CCSER1: variants seen among roughly 807,000 people sequenced by gnomAD.
CCSER1 encodes serine-rich coiled-coil domain-containing protein 1.
In CCSER1, 41 loss-of-function variants were observed where a neutral mutation model predicts 82.0. That is an observed-to-expected ratio of 0.50 (90% CI 0.39 to 0.65). CCSER1 has a LOEUF of 0.65. CCSER1 is among the 30% of genes least tolerant of loss of function. The pLI is 0.00. For synonymous variants in CCSER1, 414 were observed against 383.9 expected (o/e 1.08, Z -0.92); for missense variants, 1,119 against 1,064.2 (o/e 1.05, Z -0.72).
chr4:90,861,922 A>T lies in CCSER1; in HGVS notation c.2094+46077A>T, dbSNP rs1216940178. Among the ~76,000 whole-genome samples, 665 of 102,244 alleles carry T rather than the reference A, an allele frequency of 6.5e-3. 3 individuals are homozygous for T. The highest frequency in any genetic ancestry group is 0.019 in the African/African-American group (599 of 32,042). The allele number at this position is 102,244 out of a possible 152,430, so 67.1% of individuals were successfully genotyped here. A position where few individuals can be genotyped will look rare whatever the true frequency, so the allele number is the denominator to read the frequency against. On this transcript the variant is annotated intron_variant, in intron 8 of 10. Coordinates refer to ENST00000509176, the MANE Select transcript of CCSER1 (RefSeq NM_001145065.2). ...TGATGACTCATATATATATATATAT[A>T]TATATTTTTTTTTTCTGTTAGACTA...
intron 4 of CCSER1, among the ~76,000 whole-genome samples, chr4:90,451,312 A>G (rs1761420866): frequency 6.6e-6 from 1 of 152,146 alleles, no homozygotes; most frequent in Non-Finnish European, 1.5e-5. Flanking sequence ...TACCCATACT[A>G]GGAGGTACTG....
intron 9 of CCSER1, among the ~76,000 whole-genome samples, chr4:90,929,397 T>C (rs1729452686): frequency 6.6e-6 from 1 of 152,200 alleles, no homozygotes; most frequent in East Asian, 1.9e-4. Flanking sequence ...AATTACTGCG[T>C]TATGCCTTTT....
At chr4:90,719,032 G>A (rs1742188608) in intron 6 of CCSER1, among the ~76,000 whole-genome samples, 1 of 151,928 alleles carries the variant, frequency 6.6e-6, no homozygotes, top group African/African-American at 2.4e-5. Context: ...TTATTACAGG[G>A]CTCCTCAACT....
intron 10 of CCSER1, among the ~76,000 whole-genome samples, chr4:91,541,538 C>G (rs1403193114): frequency 1.3e-5 from 2 of 152,152 alleles, no homozygotes; most frequent in Non-Finnish European, 2.9e-5. Context: ...TCATCCATGT[C>G]CCTACAAAGG....
chr4:90,518,873 G>A (rs925140487), intron 5 of CCSER1, among the ~76,000 whole-genome samples: 2 of 151,714 alleles, frequency 1.3e-5, no homozygotes, highest in Non-Finnish European at 3.0e-5. Context: ...AGATAGGACT[G>A]TTTCTATTTA....
intron 9 of CCSER1, among the ~76,000 whole-genome samples, chr4:90,954,126 A>C (rs2150360041): frequency 6.6e-6 from 1 of 152,150 alleles, no homozygotes; most frequent in Admixed American, 6.5e-5. Flanking sequence ...GAAATAATTT[A>C]TAGGCTGCAT....
At chr4:90,456,583 C>G (rs942977535) in intron 4 of CCSER1, among the ~76,000 whole-genome samples, 10 of 152,158 alleles carry the variant, frequency 6.6e-5, no homozygotes, top group African/African-American at 2.4e-4. Context: ...GATGGCTAGA[C>G]CTCCATGAAG....
At chr4:90,698,553 T>C (rs1737410032) in intron 6 of CCSER1, among the ~76,000 whole-genome samples, 1 of 152,212 alleles carries the variant, frequency 6.6e-6, no homozygotes, top group Non-Finnish European at 1.5e-5. Flanking sequence ...TCTTTCTTTC[T>C]CTAGAAAGTG....
intron 6 of CCSER1, among the ~76,000 whole-genome samples, chr4:90,673,797 A>G (rs1192407910): frequency 6.6e-6 from 1 of 151,980 alleles, no homozygotes; most frequent in African/African-American, 2.4e-5. Context: ...CATTATACAT[A>G]CGTTTTTAAG....
chr4:90,766,285 A>G (rs184217930), intron 7 of CCSER1, among the ~76,000 whole-genome samples: 119 of 152,304 alleles, frequency 7.8e-4, no homozygotes, highest in Non-Finnish European at 1.3e-3. Flanking sequence ...TTGTGTCCAC[A>G]TAATTTCCCA....
intron 5 of CCSER1, among the ~76,000 whole-genome samples, chr4:90,614,464 G>A (rs1046389702): frequency 6.6e-6 from 1 of 152,300 alleles, no homozygotes; most frequent in Admixed American, 6.5e-5. Context: ...CCACGTTGTG[G>A]ATGCAAAGGA....
intron 7 of CCSER1, among the ~76,000 whole-genome samples, chr4:90,812,725 A>G (rs932204410): frequency 6.6e-6 from 1 of 152,164 alleles, no homozygotes; most frequent in Non-Finnish European, 1.5e-5. Flanking sequence ...GGCCTAAGGA[A>G]ACTTAAAATC....
intron 5 of CCSER1, among the ~76,000 whole-genome samples, chr4:90,547,614 A>C (rs1160035789): frequency 6.6e-6 from 1 of 152,144 alleles, no homozygotes; most frequent in Non-Finnish European, 1.5e-5. Context: ...AAAAACTTTA[A>C]AAGTTGGAAT....
At chr4:90,909,465 G>A (rs1022633188) in intron 8 of CCSER1, among the ~76,000 whole-genome samples, 2 of 152,098 alleles carry the variant, frequency 1.3e-5, no homozygotes, top group African/African-American at 4.8e-5. Flanking sequence ...GGTGGAGGCA[G>A]TAGATATAAA....
At chr4:90,388,573 G>T (rs1403347662) in intron 3 of CCSER1, among the ~76,000 whole-genome samples, 1 of 151,872 alleles carries the variant, frequency 6.6e-6, no homozygotes, top group Non-Finnish European at 1.5e-5. Context: ...GCCTCCCAAA[G>T]TGCTGGAATT....
chr4:91,572,809 TA>T (rs568857955), intron 10 of CCSER1, among the ~76,000 whole-genome samples: 11,179 of 115,238 alleles, frequency 0.097, 438 homozygotes, highest in Middle Eastern at 0.14. Context: ...TAAAAATCTA[TA>T]AAAAAAAAAA....
Position 91,517,745 on chromosome 4 carries a change from CGTGTGTGT to C in CCSER1, c.2218-80794_2218-80787del, listed in dbSNP as rs71579530. ...TACGCTGGTTCTTTCAGTTCTTTCT[CGTGTGTGT>C]GTGTGTGTGTGTGTGTGTGTGTGTG... On this transcript the variant is annotated intron_variant, in intron 10 of 10. Transcript: ENST00000509176. Among the ~76,000 whole-genome samples the C allele has an allele frequency of 4.6e-3, 554 of 121,152 alleles. 3 individuals are homozygous for C. Among genetic ancestry groups the C allele is most frequent in the African/African-American group, 0.014 (427 of 30,824 alleles). The allele number at this position is 121,152 out of a possible 152,430, so 79.5% of individuals were successfully genotyped here. A position where few individuals can be genotyped will look rare whatever the true frequency, so the allele number is the denominator to read the frequency against.
intron 1 of CCSER1, among the ~76,000 whole-genome samples, chr4:90,137,746 G>C (rs755565370): frequency 6.6e-6 from 1 of 152,160 alleles, no homozygotes; most frequent in Non-Finnish European, 1.5e-5. Context: ...GCTATCCAGG[G>C]TACTAGATCT....
At chr4:91,214,981 T>C (rs1737129270) in intron 10 of CCSER1, among the ~76,000 whole-genome samples, 1 of 152,048 alleles carries the variant, frequency 6.6e-6, no homozygotes, top group African/African-American at 2.4e-5. Flanking sequence ...TCTTCTTGTC[T>C]ACAGAAAATG....
Sources: allele counts gnomAD v4.1 joint callset (sites outside exome capture counted in the v4.1 genomes callset), GRCh38; gene constraint gnomAD v4.1.1; transcripts MANE v1.5; gene names NCBI Gene and HGNC (gene_info 2026-07-23, HGNC 2026-07-21).